Variants in LNX2 observed in about 807,000 individuals in gnomAD.
LNX2 encodes the protein ligand of numb-protein X 2, also known as ligand of Numb protein X 2.
In LNX2, 35 loss-of-function variants were observed where a neutral mutation model predicts 66.2. The observed-to-expected ratio is 0.53, with a 90% confidence interval of 0.40 to 0.70. The LOEUF is 0.70. Ranked by LOEUF, LNX2 falls within the 30% of genes least tolerant of loss-of-function variation. The probability of loss-of-function intolerance (pLI) is 0.00; values close to 1 mark genes in which losing one functional copy is unlikely to be tolerated. For missense variants in LNX2, 791 were observed against 850.8 expected, an observed-to-expected ratio of 0.93 and a Z score of 0.87; for synonymous variants, 337 against 315.6, an observed-to-expected ratio of 1.07 and a Z score of -0.72.
intron 1 of LNX2, among the ~76,000 whole-genome samples, chr13:27,603,282 T>G (rs920534219): frequency 2.6e-5 from 4 of 152,220 alleles, no homozygotes; most frequent in African/African-American, 9.6e-5. Context: ...TTTGCTATAC[T>G]AAAATATTTA....
Position 27,620,082 on chromosome 13 carries a change from G to C in LNX2, c.-101+293C>G, listed in dbSNP as rs558158375. Among the ~76,000 whole-genome samples, 16 of 152,294 alleles carry C rather than the reference G, an allele frequency of 1.1e-4. No homozygotes were observed. The East Asian group carries it at 3.1e-3, about 29-fold the overall frequency. On this transcript the variant is annotated intron_variant, in intron 1 of 9. Coordinates refer to ENST00000316334, the MANE Select transcript of LNX2 (RefSeq NM_153371.4). ...CTCTGCACCACGGTGGCCGGAACCA[G>C]CAAACGCTAACAGCCGGAGGCCGCC...
At position 27,560,565 on chromosome 13, in the gene LNX2, G is replaced by GTGTATATATATATA. The variant is rs35007288; in HGVS notation, c.1225-581_1225-580insTATATATATATACA. 8.9e-4 allele frequency among the ~76,000 whole-genome samples: 107 copies of GTGTATATATATATA among 120,006 alleles called. 2 individuals are homozygous for GTGTATATATATATA. The highest frequency in any genetic ancestry group is 3.2e-3 in the African/African-American group (97 of 30,024). The allele number at this position is 120,006 out of a possible 152,430, so 78.7% of individuals were successfully genotyped here. A position where few individuals can be genotyped will look rare whatever the true frequency, so the allele number is the denominator to read the frequency against. On this transcript the variant is annotated intron_variant, in intron 5 of 9. Transcript: ENST00000316334. ...ATAACAAGACTTTATATGTATGTGT[G>GTGTATATATATATA]TATATATATATATATATATAGCATA...
chr13:27,558,203 C>G (rs1224672199), intron 6 of LNX2, among the ~76,000 whole-genome samples: 1 of 151,932 alleles, frequency 6.6e-6, no homozygotes, highest in Non-Finnish European at 1.5e-5. Context: ...TATGTGTTTT[C>G]CCTAGGAGAC....
intron 2 of LNX2, among the ~76,000 whole-genome samples, chr13:27,571,513 T>C (rs1208344582): frequency 6.6e-6 from 1 of 152,130 alleles, no homozygotes; most frequent in African/African-American, 2.4e-5. Context: ...TGGCTGTTAA[T>C]GGGTATTGGG....
chr13:27,610,472 C>G (rs1955760592), intron 1 of LNX2, among the ~76,000 whole-genome samples: 1 of 152,118 alleles, frequency 6.6e-6, no homozygotes, highest in Non-Finnish European at 1.5e-5. Context: ...TGTTTGGACC[C>G]TTATCTTACA....
At chr13:27,579,214 A>G (rs1304121905) in intron 2 of LNX2, among the ~76,000 whole-genome samples, 3 of 152,216 alleles carry the variant, frequency 2.0e-5, no homozygotes, top group Non-Finnish European at 2.9e-5. Context: ...TTCTACCTGA[A>G]TTTCAATGTT....
At position 27,596,611 on chromosome 13, in the gene LNX2, C is replaced by T. The variant is rs74554926; in HGVS notation, c.-100-14808G>A. Among the ~76,000 whole-genome samples, 295 of 152,286 alleles carry T rather than the reference C, an allele frequency of 1.9e-3. 1 individual carries two copies. Among genetic ancestry groups the T allele is most frequent in the African/African-American group, 6.9e-3 (287 of 41,546 alleles). ...TTCTCTTTTTCTTCATTCTTCCCTT[C>T]CTCCGTTTCAATATTACATTCTTTA... On this transcript the variant is annotated intron_variant, in intron 1 of 9. Transcript: ENST00000316334.
intron 1 of LNX2, among the ~76,000 whole-genome samples, chr13:27,596,921 A>C (rs186197917): frequency 2.0e-5 from 3 of 152,332 alleles, no homozygotes; most frequent in Admixed American, 2.0e-4. Context: ...ACCCACCTGC[A>C]TAAGTGTCTA....
chr13:27,559,168 G>C (rs1044463312), intron 6 of LNX2, among the ~76,000 whole-genome samples: 1 of 152,080 alleles, frequency 6.6e-6, no homozygotes, highest in Non-Finnish European at 1.5e-5. Context: ...TTTTTGGACT[G>C]AAAGTGAGGT....
At chr13:27,588,677 C>A (rs1206729007) in intron 1 of LNX2, among the ~76,000 whole-genome samples, 1 of 152,056 alleles carries the variant, frequency 6.6e-6, no homozygotes, top group East Asian at 1.9e-4. Context: ...TTTCTTCTTA[C>A]AACTGTATAT....
intron 1 of LNX2, among the ~76,000 whole-genome samples, chr13:27,583,229 T>TCCAATATAA (rs1566124775): frequency 5.1e-5 from 1 of 19,634 alleles, no homozygotes; most frequent in African/African-American, 1.9e-4. Context: ...TGTGTGTGTG[T>TCCAATATAA]GTGTGTGTGT....
At chr13:27,571,418 T>C (rs1955278347) in intron 2 of LNX2, among the ~76,000 whole-genome samples, 1 of 152,116 alleles carries the variant, frequency 6.6e-6, no homozygotes, top group South Asian at 2.1e-4. Flanking sequence ...ACATAATATA[T>C]GCATTCTAGA....
At chr13:27,604,474 A>G (rs1343139204) in intron 1 of LNX2, among the ~76,000 whole-genome samples, 2 of 152,238 alleles carry the variant, frequency 1.3e-5, no homozygotes, top group Non-Finnish European at 2.9e-5. Context: ...CACTCCAAAG[A>G]GCATCACAAA....
intron 1 of LNX2, among the ~76,000 whole-genome samples, chr13:27,585,647 C>T (rs1229362627): frequency 2.0e-5 from 3 of 151,968 alleles, no homozygotes; most frequent in East Asian, 1.9e-4. Context: ...CAGACAGACA[C>T]GTCCAAGCTA....
At position 27,594,819 on chromosome 13, in the gene LNX2, T is replaced by C. The variant is rs561682256; in HGVS notation, c.-100-13016A>G. On this transcript the variant is annotated intron_variant, in intron 1 of 9. Transcript: ENST00000316334. Reference sequence around the variant, plus strand: ...GCACCAAGTTCCCCTCGATTCCACCTCCAGAATGTGGCCTCCCCTTTCTTC... The same window carrying C: ...GCACCAAGTTCCCCTCGATTCCACCCCCAGAATGTGGCCTCCCCTTTCTTC... Among the ~76,000 whole-genome samples the C allele has an allele frequency of 2.6e-5, 4 of 152,244 alleles. No individual in the cohort carries two copies. The East Asian group carries it at 7.7e-4, about 29-fold the overall frequency.
At chr13:27,592,250 T>C (rs999156213) in intron 1 of LNX2, among the ~76,000 whole-genome samples, 1 of 152,224 alleles carries the variant, frequency 6.6e-6, no homozygotes, top group Non-Finnish European at 1.5e-5. Flanking sequence ...TTGAACATGA[T>C]GAACATAGTT....
At position 27,567,814 on chromosome 13, in the gene LNX2, T is replaced by G. The variant is rs571405799; in HGVS notation, c.681A>C (p.Pro227=). 6.2e-7 allele frequency: 1 copy of G among 1,614,048 alleles called. No individual in the cohort carries two copies. Among genetic ancestry groups the G allele is most frequent in the South Asian group, 1.1e-5 (1 of 91,078 alleles). The part of the protein sequence containing the change: ...ADTTQQPLSL[P]EGEITTIEIH... ...TTTCAATCGTGGTGATTTCTCCTTC[T>G]GGTAAACTAAGTGGCTGTTGTGTGG... The change falls in exon 4 of 10, where the codon CCA becomes CCC. Residue 227 remains proline, a synonymous_variant. Coordinates refer to ENST00000316334, the MANE Select transcript of LNX2 (RefSeq NM_153371.4).
chr13:27,596,873 A>G (rs1410737557), intron 1 of LNX2, among the ~76,000 whole-genome samples: 1 of 152,208 alleles, frequency 6.6e-6, no homozygotes, highest in Non-Finnish European at 1.5e-5. Context: ...TCTACTCCCA[A>G]TGTCATAACA....
rs1466039086 is a variant in LNX2 at position 27,546,577 on chromosome 13, A to G, written c.*1758T>C. On this transcript the variant is annotated 3_prime_UTR_variant, in exon 10 of 10. Transcript: ENST00000316334. Reference sequence around the variant, plus strand: ...TTCCAAATAGATATGTTTTTTAAAAATCATTATAAAACTAACTGAAATAAT... The same window carrying G: ...TTCCAAATAGATATGTTTTTTAAAAGTCATTATAAAACTAACTGAAATAAT... The G allele has an allele frequency of 6.6e-6, 1 of 152,222 alleles. No individual in the cohort carries two copies. The highest frequency in any genetic ancestry group is 1.5e-5 in the Non-Finnish European group (1 of 68,044). The allele number at this position is 152,222 out of a possible 1,614,324, so 9.4% of individuals were successfully genotyped here.
Sources: gnomAD v4.1 joint callset for allele counts (sites outside exome capture counted in the v4.1 genomes callset) on GRCh38, gnomAD v4.1.1 for gene constraint, MANE v1.5 for transcripts, NCBI Gene and HGNC (gene_info 2026-07-23, HGNC 2026-07-21) for gene names.